GNL3L: variants seen among roughly 807,000 people sequenced by gnomAD.
GNL3L encodes the protein G protein nucleolar 3 like, also known as guanine nucleotide-binding protein-like 3-like protein.
Under a neutral mutation model 42.9 loss-of-function variants are expected in GNL3L, and 4 were observed. The ratio of observed to expected loss-of-function variants is 0.09; its 90% CI spans 0.05 to 0.21. The LOEUF is 0.21. GNL3L is among the 10% of genes least tolerant of loss of function. The pLI is 1.00. For missense variants in GNL3L, 412 were observed against 481.7 expected, an observed-to-expected ratio of 0.86 and a Z score of 1.36; for synonymous variants, 159 against 176.3, an observed-to-expected ratio of 0.90 and a Z score of 0.78.
intron 16 of GNL3L, among the ~76,000 whole-genome samples, chrX:54,588,896 A>C (rs1177127919): frequency 2.7e-5 from 3 of 112,083 alleles, no homozygotes; most frequent in Middle Eastern, 4.6e-3. Context: ...ATTCAATTCA[A>C]TTTTTTTGAT....
intron 16 of GNL3L, among the ~76,000 whole-genome samples, chrX:54,619,361 AAG>A (rs1337541647): frequency 9.0e-6 from 1 of 111,665 alleles, no homozygotes; most frequent in African/African-American, 3.2e-5. Flanking sequence ...ATTAAGCAGA[AAG>A]AGAAAGTTTC....
rs1925288230 is a variant in GNL3L, at chrX:54,562,134, C to T, written c.*1532C>T. Among the ~76,000 whole-genome samples the T allele has an allele frequency of 8.9e-6, 1 of 112,012 alleles. No homozygotes were observed. Among genetic ancestry groups the T allele is most frequent in the Admixed American group, 9.5e-5 (1 of 10,564 alleles). ...GATCTCGGCTCACTGCAACCTCTGC[C>T]TCCCGGGTTCAAGTGATCCTCCTGC... is the stretch of plus-strand genomic sequence containing the variant. On this transcript the variant is annotated 3_prime_UTR_variant, in exon 16 of 16. Coordinates refer to ENST00000360845, the MANE Select transcript of GNL3L (RefSeq NM_001184819.2).
chrX:54,601,579 T>C (rs1016733725), intron 16 of GNL3L, among the ~76,000 whole-genome samples: 4 of 111,878 alleles, frequency 3.6e-5, no homozygotes, highest in Admixed American at 2.8e-4. Context: ...AGTCATTTGT[T>C]TTCAAAATTA....
Position 54,564,402 on chromosome X carries a change from CTTTTTT to C in GNL3L, c.*3815_*3820del, listed in dbSNP as rs567172499. Among the ~76,000 whole-genome samples the C allele has an allele frequency of 3.7e-5, 3 of 80,808 alleles. No individual in the cohort carries two copies. The highest frequency in any genetic ancestry group is 6.9e-5 in the Non-Finnish European group (3 of 43,239). 70.2% of individuals were successfully genotyped at this position (80,808 alleles called of 115,157 possible). ...AGTCACTGGTTTTTTTCTTCGTTCT[CTTTTTT>C]TTTTTTTTTTTTTTGAGACAGAGTC... On this transcript the variant is annotated 3_prime_UTR_variant, in exon 16 of 16. Coordinates refer to ENST00000360845, the MANE Select transcript of GNL3L (RefSeq NM_001184819.2).
intron 16 of GNL3L, among the ~76,000 whole-genome samples, chrX:54,609,071 A>C (rs1198211943): frequency 1.8e-5 from 2 of 111,718 alleles, no homozygotes; most frequent in Admixed American, 9.5e-5. Context: ...GCAGTATCTC[A>C]TTGTGGTTTT....
intron 13 of GNL3L, among the ~76,000 whole-genome samples, chrX:54,554,222 G>A (rs764945942): frequency 2.2e-4 from 25 of 111,211 alleles, no homozygotes; most frequent in Non-Finnish European, 4.7e-4. Flanking sequence ...CTGGTCCTGG[G>A]GAGGGAATCC....
intron 8 of GNL3L, 50 bp from the exon 9 acceptor site, chrX:54,548,179 C>T (rs1247118248): frequency 9.0e-7 from 1 of 1,113,729 alleles, no homozygotes. Context: ...GGGCTCAGAC[C>T]TCATCTGCCA....
chrX:54,582,068 T>A (rs2147515454), intron 16 of GNL3L, among the ~76,000 whole-genome samples: 1 of 112,167 alleles, frequency 8.9e-6, no homozygotes, highest in Non-Finnish European at 1.9e-5. Context: ...ATCCCCAGTG[T>A]TGGAGGTGGT....
At chrX:54,582,337 T>C (rs1291480968) in intron 16 of GNL3L, among the ~76,000 whole-genome samples, 4 of 111,936 alleles carry the variant, frequency 3.6e-5, no homozygotes, top group Non-Finnish European at 7.5e-5. Context: ...GTTGGTGTCA[T>C]GCTTCTTGTA....
chrX:54,618,165 A>AT (rs1190385620), intron 16 of GNL3L, among the ~76,000 whole-genome samples: 1 of 110,175 alleles, frequency 9.1e-6, no homozygotes, highest in African/African-American at 3.3e-5. Flanking sequence ...CCTTTTGCTC[A>AT]TTCCTCCCTC....
At chrX:54,624,109 C>A (rs144221429), downstream of GNL3L, among the ~76,000 whole-genome samples, 6 of 110,910 alleles carry the variant, frequency 5.4e-5, no homozygotes, top group African/African-American at 2.0e-4. Context: ...TTTGGAGAGA[C>A]GGGGTTTTGC....
the GNL3L span, among the ~76,000 whole-genome samples, chrX:54,638,745 C>T: frequency 1.8e-5 from 2 of 112,076 alleles, no homozygotes; most frequent in African/African-American, 3.2e-5. Flanking sequence ...CCACCATGCC[C>T]GGCCTATATA....
chrX:54,536,169 G>C (rs1276761395), intron 2 of GNL3L, among the ~76,000 whole-genome samples: 1 of 105,240 alleles, frequency 9.5e-6, no homozygotes, highest in African/African-American at 3.5e-5. Flanking sequence ...CTCAAGTCAG[G>C]CATCCGGCTA....
At chrX:54,559,765 C>T (rs1925205797) in intron 15 of GNL3L, among the ~76,000 whole-genome samples, 1 of 111,796 alleles carries the variant, frequency 8.9e-6, no homozygotes, top group African/African-American at 3.3e-5. Flanking sequence ...AGCCAAAATA[C>T]AGACTTTGGG....
At chrX:54,621,949 C>T (rs973800238), downstream of GNL3L, among the ~76,000 whole-genome samples, 30 of 111,659 alleles carry the variant, frequency 2.7e-4, no homozygotes, top group Non-Finnish European at 5.5e-4. Context: ...TATCTGGTTC[C>T]TTTTTCAGCA....
intron 16 of GNL3L, among the ~76,000 whole-genome samples, chrX:54,576,413 G>A (rs1925635345): frequency 9.0e-6 from 1 of 111,599 alleles, no homozygotes; most frequent in African/African-American, 3.3e-5. Flanking sequence ...GTCCCTTCTA[G>A]ACTGCATATA....
At chrX:54,630,819 C>A in the GNL3L span, among the ~76,000 whole-genome samples, 1 of 86,653 alleles carries the variant, frequency 1.2e-5, no homozygotes, top group Non-Finnish European at 2.3e-5. Context: ...CTCTCTCTTT[C>A]TTTTTTGAGA....
downstream of GNL3L, among the ~76,000 whole-genome samples, chrX:54,571,319 G>T (rs1478529949): frequency 9.5e-6 from 1 of 105,752 alleles, no homozygotes; most frequent in South Asian, 4.3e-4. Flanking sequence ...TCAGCCTCCC[G>T]AGTAGTTGGG....
At chrX:54,625,888 C>CAT (rs60326064), downstream of GNL3L, among the ~76,000 whole-genome samples, 16,487 of 110,136 alleles carry the variant, frequency 0.15, 2,044 homozygotes, top group African/African-American at 0.42. Context: ...TGTTTCAACA[C>CAT]ATTTTTCCTT....
Sources: gnomAD v4.1 joint callset for allele counts (sites outside exome capture counted in the v4.1 genomes callset) on GRCh38, gnomAD v4.1.1 for gene constraint, MANE v1.5 for transcripts, NCBI Gene and HGNC (gene_info 2026-07-23, HGNC 2026-07-21) for gene names.